Variants in PKHD1 observed in about 807,000 individuals in gnomAD.
The protein encoded by PKHD1 is fibrocystin.
In PKHD1, 291 loss-of-function variants were observed where a neutral mutation model predicts 412.0. The observed-to-expected ratio is 0.71, with a 90% confidence interval of 0.64 to 0.78. The LOEUF (loss-of-function observed/expected upper bound fraction) is 0.78. PKHD1 is among the 30% of genes least tolerant of loss of function. PKHD1 has a pLI of 0.00. For synonymous variants in PKHD1, 1,777 were observed against 1,821.5 expected, an observed-to-expected ratio of 0.98 and a Z score of 0.62; for missense variants, 4,825 against 4,950.7, an observed-to-expected ratio of 0.97 and a Z score of 0.76.
intron 55 of PKHD1, among the ~76,000 whole-genome samples, chr6:51,770,609 C>T (rs912676230): frequency 2.2e-4 from 33 of 149,756 alleles, no homozygotes; most frequent in African/African-American, 8.1e-4. Context: ...TTTTTTGTTG[C>T]TTTTATTCTT....
At chr6:51,709,619 C>T (rs1248136890) in intron 60 of PKHD1, among the ~76,000 whole-genome samples, 5 of 152,056 alleles carry the variant, frequency 3.3e-5, no homozygotes, top group African/African-American at 1.2e-4. Context: ...GTTCAGAATC[C>T]AGAAAAATAT....
chr6:51,666,068 T>C (rs933967346), intron 60 of PKHD1, among the ~76,000 whole-genome samples: 5 of 152,066 alleles, frequency 3.3e-5, no homozygotes, highest in Non-Finnish European at 7.4e-5. Flanking sequence ...GGGTCAAATG[T>C]TTGTGGACTG....
chr6:51,747,951 T>C lies in PKHD1; in HGVS notation c.9665A>G (p.His3222Arg), dbSNP rs777989032. The C allele has an allele frequency of 1.1e-5, 18 of 1,613,910 alleles. No homozygotes were observed. The African/African-American group carries it at 2.3e-4, about 20-fold the overall frequency. Residue 3222 changes from histidine (H) to arginine (R), a missense_variant, in exon 58 of 67, where the codon CAC becomes CGC. Transcript: ENST00000371117. ...ATCTGTTGATGTCAAGTTGGCTGAGTGCGGCTTCACTTTGTCCTGAATGCA... is the reference window on the plus strand; with the variant it reads ...ATCTGTTGATGTCAAGTTGGCTGAGCGCGGCTTCACTTTGTCCTGAATGCA... ...FDCIQDKVKPHSANLTSTDRA... is the reference protein window; with the variant it reads ...FDCIQDKVKPRSANLTSTDRA...
At chr6:52,070,538 A>C in intron 9 of PKHD1, 93 bp from the exon 10 acceptor site, 1 of 875,718 alleles carries the variant, frequency 1.1e-6, no homozygotes, top group Non-Finnish European at 1.9e-6. Flanking sequence ...CTCCAATATC[A>C]TCAAATTACC....
Position 51,618,968 on chromosome 6 carries a change from C to T in PKHD1, c.*113G>A. On this transcript the variant is annotated 3_prime_UTR_variant, in exon 67 of 67. Coordinates refer to ENST00000371117, the MANE Select transcript of PKHD1 (RefSeq NM_138694.4). ...AAAGTTGAAAAAGGGATTCAGAGTCCACATTCTCTCTTCTTAGTTGTCCCA... is the reference window on the plus strand; with the variant it reads ...AAAGTTGAAAAAGGGATTCAGAGTCTACATTCTCTCTTCTTAGTTGTCCCA... The T allele has an allele frequency of 1.0e-6, 1 of 966,594 alleles. No individual in the cohort carries two copies. Among genetic ancestry groups the T allele is most frequent in the Non-Finnish European group, 1.7e-6 (1 of 597,746 alleles). The allele number at this position is 966,594 out of a possible 1,614,324, so 59.9% of individuals were successfully genotyped here. A position where few individuals can be genotyped will look rare whatever the true frequency, so the allele number is the denominator to read the frequency against.
chr6:51,798,133 CT>C (rs1794879441), intron 52 of PKHD1, among the ~76,000 whole-genome samples: 1 of 152,140 alleles, frequency 6.6e-6, no homozygotes, highest in Non-Finnish European at 1.5e-5. Flanking sequence ...AATTCCAGCA[CT>C]TTGGGAGGCT....
intron 24 of PKHD1, among the ~76,000 whole-genome samples, chr6:52,045,745 T>G (rs1370730339): frequency 6.6e-6 from 1 of 152,200 alleles, no homozygotes; most frequent in Non-Finnish European, 1.5e-5. Flanking sequence ...TATTGCATGG[T>G]GGACACTGAC....
intron 60 of PKHD1, among the ~76,000 whole-genome samples, chr6:51,715,708 G>A (rs1395649382): frequency 6.6e-6 from 1 of 152,178 alleles, no homozygotes; most frequent in East Asian, 1.9e-4. Flanking sequence ...GGGAAGAAAT[G>A]TAGCACCTAC....
At chr6:51,982,892 A>AAAATAAAAAT (rs377667308) in intron 35 of PKHD1, among the ~76,000 whole-genome samples, 6 of 140,428 alleles carry the variant, frequency 4.3e-5, no homozygotes, top group South Asian at 2.2e-4. Context: ...AAATAAAATA[A>AAAATAAAAAT]AAAAAAGAGA....
chr6:52,016,476 A>G (rs1800544836), intron 34 of PKHD1, among the ~76,000 whole-genome samples: 2 of 151,990 alleles, frequency 1.3e-5, no homozygotes, highest in South Asian at 4.2e-4. Context: ...TCTTTACTAA[A>G]AATACAAAAA....
chr6:51,952,049 A>G (rs573903358), intron 36 of PKHD1, among the ~76,000 whole-genome samples: 1 of 152,142 alleles, frequency 6.6e-6, no homozygotes, highest in Non-Finnish European at 1.5e-5. Flanking sequence ...AAAACTGTAA[A>G]TTGTTTAATA....
At chr6:52,016,346 A>C (rs1800524701) in intron 34 of PKHD1, among the ~76,000 whole-genome samples, 1 of 152,170 alleles carries the variant, frequency 6.6e-6, no homozygotes, top group African/African-American at 2.4e-5. Flanking sequence ...ATATTTTATA[A>C]GAAAAGAGGC....
At chr6:52,055,318 G>C (rs1807543828) in intron 19 of PKHD1, among the ~76,000 whole-genome samples, 1 of 152,228 alleles carries the variant, frequency 6.6e-6, no homozygotes, top group African/African-American at 2.4e-5. Context: ...TGTACTCTTA[G>C]AGATCAAAGA....
At position 52,064,964 on chromosome 6, in the gene PKHD1, G is replaced by A. The variant is rs1455383651; in HGVS notation, c.967C>T (p.Pro323Ser). 10 of 1,594,324 alleles carry A rather than the reference G, an allele frequency of 6.3e-6. No individual in the cohort carries two copies. Among genetic ancestry groups the A allele is most frequent in the East Asian group, 4.6e-5 (2 of 43,830 alleles). Reference sequence around the variant, plus strand: ...CTGGTGGCTTCCTTACCTGGCTGAGGGGTGGTGAGCCTCACATCTTTTCCT... The same window carrying A: ...CTGGTGGCTTCCTTACCTGGCTGAGAGGTGGTGAGCCTCACATCTTTTCCT... Reference protein sequence around the residue: ...APGKDVRLTTPQPGNRGLLFE... With the variant: ...APGKDVRLTTSQPGNRGLLFE... Residue 323 changes from proline (P) to serine (S), a missense_variant, in exon 13 of 67, where the codon CCT becomes TCT. Physicochemically the swap from Pro to Ser is moderately conservative, Grantham distance 74 (BLOSUM62 -1). Coordinates refer to ENST00000371117, the MANE Select transcript of PKHD1 (RefSeq NM_138694.4).
intron 36 of PKHD1, among the ~76,000 whole-genome samples, chr6:51,937,034 T>C (rs1284317300): frequency 6.6e-6 from 1 of 152,174 alleles, no homozygotes. Context: ...CTAAGAAACA[T>C]TTACAGTCTA....
chr6:51,839,345 A>G (rs1178711938), intron 50 of PKHD1, among the ~76,000 whole-genome samples: 2 of 152,208 alleles, frequency 1.3e-5, no homozygotes, highest in Admixed American at 6.5e-5. Context: ...GTGTTTATAA[A>G]TGGAGCCCCA....
At chr6:51,635,876 C>CGGGGGGGGGTGGGGG (rs1581768607) in intron 64 of PKHD1, among the ~76,000 whole-genome samples, 1 of 41,506 alleles carries the variant, frequency 2.4e-5, no homozygotes, top group Non-Finnish European at 5.3e-5. Context: ...GGCGGGGGGC[C>CGGGGGGGGGTGGGGG]GGGGGCGGAT....
Position 52,050,229 on chromosome 6 carries a change from C to CTGT in PKHD1, c.2206_2207insACA (p.Gly736delinsAspArg). On this transcript the variant is annotated protein_altering_variant, in exon 22 of 67. Transcript: ENST00000371117. ...GGTGACACTGTAGACCGGAGGGGAT[C>CTGT]CCACCACAGAGACTGATTCCACCAG... is the stretch of plus-strand genomic sequence containing the variant. 6.2e-7 allele frequency: 1 copy of CTGT among 1,614,164 alleles called. No individual in the cohort carries two copies.
chr6:51,748,433 A>AAT lies in PKHD1; in HGVS notation c.9182_9183insAT (p.Asn3062LeufsTer7). 1 of 1,614,058 alleles carries AAT rather than the reference A, an allele frequency of 6.2e-7. No individual in the cohort carries two copies. Among genetic ancestry groups the AAT allele is most frequent in the Non-Finnish European group, 8.5e-7 (1 of 1,179,978 alleles). On this transcript the variant is annotated frameshift_variant, in exon 58 of 67. Transcript: ENST00000371117. LOFTEE classifies it high-confidence loss of function. ...GTGTCATCAGAACCACAAGGTTATT[A>AAT]GTGACAGTATAGGCCTGACCCTCTA...
Sources: gnomAD v4.1 joint callset for allele counts (sites outside exome capture counted in the v4.1 genomes callset) on GRCh38, gnomAD v4.1.1 for gene constraint, MANE v1.5 for transcripts, NCBI Gene and HGNC (gene_info 2026-07-23, HGNC 2026-07-21) for gene names.